The following HS6ST3 variants were observed in gnomAD, a reference collection of about 807,000 sequenced individuals.
The protein encoded by HS6ST3 is heparan-sulfate 6-O-sulfotransferase 3.
A neutral mutation model predicts 36.7 loss-of-function variants in HS6ST3; 12 were observed. The ratio of observed to expected loss-of-function variants is 0.33; its 90% CI spans 0.21 to 0.53. HS6ST3 has a LOEUF of 0.53. Ranked by LOEUF, HS6ST3 falls within the 20% of genes least tolerant of loss-of-function variation. HS6ST3 has a pLI of 0.95. For synonymous variants in HS6ST3, 240 were observed against 257.5 expected, an observed-to-expected ratio of 0.93 and a Z score of 0.65; for missense variants, 584 against 640.9, an observed-to-expected ratio of 0.91 and a Z score of 0.96.
At chr13:96,500,580 G>A (rs931930381) in intron 1 of HS6ST3, among the ~76,000 whole-genome samples, 1 of 152,092 alleles carries the variant, frequency 6.6e-6, no homozygotes, top group African/African-American at 2.4e-5. Context: ...GTGACTGCAG[G>A]ATAAACTGCT....
chr13:96,576,421 G>A (rs374216930), intron 1 of HS6ST3, among the ~76,000 whole-genome samples: 12 of 152,134 alleles, frequency 7.9e-5, no homozygotes, highest in Non-Finnish European at 2.9e-5. Context: ...ATGGATTGAT[G>A]TCAGGGTGAT....
intron 1 of HS6ST3, among the ~76,000 whole-genome samples, chr13:96,412,969 A>G (rs2055515495): frequency 6.6e-6 from 1 of 152,038 alleles, no homozygotes; most frequent in South Asian, 2.1e-4. Context: ...CCTTTGTGTG[A>G]TGTCCCTTCT....
At chr13:96,721,504 T>C (rs1029184050) in intron 1 of HS6ST3, among the ~76,000 whole-genome samples, 2 of 152,190 alleles carry the variant, frequency 1.3e-5, no homozygotes, top group African/African-American at 4.8e-5. Flanking sequence ...GCACCTCAGG[T>C]ATTGACTTTA....
chr13:96,227,840 C>A (rs990470514), intron 1 of HS6ST3, among the ~76,000 whole-genome samples: 5 of 152,164 alleles, frequency 3.3e-5, no homozygotes, highest in Admixed American at 6.5e-5. Context: ...CAAGGACTGA[C>A]CTTCTCTTTT....
chr13:96,768,713 T>C (rs1877183119), intron 1 of HS6ST3, among the ~76,000 whole-genome samples: 1 of 152,040 alleles, frequency 6.6e-6, no homozygotes, highest in African/African-American at 2.4e-5. Flanking sequence ...TCAGTTAGCA[T>C]GCAAATGATG....
chr13:96,417,348 C>G (rs2055538613), intron 1 of HS6ST3, among the ~76,000 whole-genome samples: 1 of 152,260 alleles, frequency 6.6e-6, no homozygotes, highest in East Asian at 1.9e-4. Context: ...TTGCCCTACT[C>G]TTCTTCATAG....
chr13:96,447,362 A>G (rs2055704122), intron 1 of HS6ST3, among the ~76,000 whole-genome samples: 1 of 151,988 alleles, frequency 6.6e-6, no homozygotes, highest in African/African-American at 2.4e-5. Flanking sequence ...AGATCTTTAT[A>G]TTTTCTTCAT....
intron 1 of HS6ST3, among the ~76,000 whole-genome samples, chr13:96,448,651 C>G (rs1307093584): frequency 1.3e-5 from 2 of 152,036 alleles, no homozygotes; most frequent in African/African-American, 4.8e-5. Flanking sequence ...GTCTAATACC[C>G]CTGCAATTTC....
intron 1 of HS6ST3, chr13:96,573,924 C>G (rs1415585439): frequency 3.9e-6 from 2 of 518,850 alleles, no homozygotes; most frequent in Non-Finnish European, 7.7e-6. Context: ...ACAAAGAATC[C>G]GGAGGTGACT....
intron 1 of HS6ST3, among the ~76,000 whole-genome samples, chr13:96,463,177 C>T (rs542198738): frequency 7.0e-4 from 106 of 151,688 alleles, no homozygotes; most frequent in Non-Finnish European, 1.4e-3. Flanking sequence ...CAGAGAATAC[C>T]CGAGACACCC....
chr13:96,735,231 A>G (rs1876253472), intron 1 of HS6ST3, among the ~76,000 whole-genome samples: 1 of 152,092 alleles, frequency 6.6e-6, no homozygotes, highest in East Asian at 1.9e-4. Flanking sequence ...TAAAGAAAAA[A>G]AAAAAGAACG....
chr13:96,433,897 T>G (rs767092349), intron 1 of HS6ST3, among the ~76,000 whole-genome samples: 2 of 152,188 alleles, frequency 1.3e-5, no homozygotes, highest in Non-Finnish European at 2.9e-5. Context: ...GTCATGCCAT[T>G]GCACTCCAGC....
intron 1 of HS6ST3, among the ~76,000 whole-genome samples, chr13:96,570,262 T>A (rs1486494618): frequency 6.6e-6 from 1 of 152,220 alleles, no homozygotes; most frequent in African/African-American, 2.4e-5. Flanking sequence ...ATTTGGGGCC[T>A]ACATTTTTAT....
chr13:96,680,874 G>A (rs1815993722), intron 1 of HS6ST3, among the ~76,000 whole-genome samples: 1 of 152,206 alleles, frequency 6.6e-6, no homozygotes, highest in Admixed American at 6.5e-5. Flanking sequence ...GGGTGGGTGA[G>A]AAAGAGCATG....
intron 1 of HS6ST3, among the ~76,000 whole-genome samples, chr13:96,480,809 T>G (rs1266471335): frequency 6.6e-6 from 1 of 152,136 alleles, no homozygotes; most frequent in East Asian, 1.9e-4. Context: ...TCCACAGTCT[T>G]TGTGTGGACT....
chr13:96,266,713 A>C (rs543797239), intron 1 of HS6ST3, among the ~76,000 whole-genome samples: 1 of 152,132 alleles, frequency 6.6e-6, no homozygotes, highest in African/African-American at 2.4e-5. Flanking sequence ...AAAAAAATAC[A>C]CTATAGCTAA....
At chr13:96,639,254 A>C (rs183337565) in intron 1 of HS6ST3, among the ~76,000 whole-genome samples, 2 of 152,146 alleles carry the variant, frequency 1.3e-5, no homozygotes, top group Admixed American at 6.6e-5. Flanking sequence ...TTTCTAATAA[A>C]TTGGACACTT....
chr13:96,671,499 C>T (rs1035499295), intron 1 of HS6ST3, among the ~76,000 whole-genome samples: 5 of 152,072 alleles, frequency 3.3e-5, no homozygotes, highest in Non-Finnish European at 5.9e-5. Flanking sequence ...GCTACTGTAA[C>T]GAAGCACCAC....
At chr13:96,096,646 G>A (rs570783712) in intron 1 of HS6ST3, among the ~76,000 whole-genome samples, 3 of 152,146 alleles carry the variant, frequency 2.0e-5, no homozygotes, top group Non-Finnish European at 4.4e-5. Flanking sequence ...CAGTAAATGG[G>A]TCCTGTGTAT....
Sources: allele counts gnomAD v4.1 joint callset (sites outside exome capture counted in the v4.1 genomes callset), GRCh38; gene constraint gnomAD v4.1.1; transcripts MANE v1.5; gene names NCBI Gene and HGNC (gene_info 2026-07-23, HGNC 2026-07-21).